PTPRT: variants seen among roughly 807,000 people sequenced by gnomAD.
The protein encoded by PTPRT is protein tyrosine phosphatase receptor type T.
Under a neutral mutation model 176.8 loss-of-function variants are expected in PTPRT, and 56 were observed. That is an observed-to-expected ratio of 0.32 (90% confidence interval 0.26 to 0.40). The LOEUF (loss-of-function observed/expected upper bound fraction) is 0.40, where lower values mean the gene tolerates loss of function less well. Among genes scored for constraint, PTPRT ranks in the 10% least tolerant of loss-of-function variants. PTPRT has a pLI of 1.00. For synonymous variants in PTPRT, 783 were observed against 739.0 expected, an observed-to-expected ratio of 1.06 and a Z score of -0.96; for missense variants, 1,540 against 1,908.2, an observed-to-expected ratio of 0.81 and a Z score of 3.60.
intron 1 of PTPRT, among the ~76,000 whole-genome samples, chr20:42,898,427 C>G (rs1268874551): frequency 6.6e-6 from 1 of 152,142 alleles, no homozygotes; most frequent in Non-Finnish European, 1.5e-5. Flanking sequence ...AGGCTGGTCT[C>G]AAACTGCTGG....
At chr20:42,630,404 A>G (rs1217398593) in intron 7 of PTPRT, among the ~76,000 whole-genome samples, 1 of 152,140 alleles carries the variant, frequency 6.6e-6, no homozygotes, top group Admixed American at 6.5e-5. Context: ...TATAGCAGCA[A>G]TGATAAACTA....
At chr20:42,049,966 T>C in the PTPRT span, among the ~76,000 whole-genome samples, 3 of 152,186 alleles carry the variant, frequency 2.0e-5, no homozygotes, top group Admixed American at 1.3e-4. Context: ...TTCAGCCTCA[T>C]TCATTACAGC....
At chr20:42,494,842 TC>T (rs2071625341) in intron 7 of PTPRT, among the ~76,000 whole-genome samples, 1 of 152,088 alleles carries the variant, frequency 6.6e-6, no homozygotes, top group Non-Finnish European at 1.5e-5. Context: ...GTTTCCTCTA[TC>T]CCCAATCTTC....
chr20:42,501,763 C>T (rs1472396610), intron 7 of PTPRT, among the ~76,000 whole-genome samples: 1 of 152,092 alleles, frequency 6.6e-6, no homozygotes, highest in Non-Finnish European at 1.5e-5. Flanking sequence ...AGTGGTTATA[C>T]CAATTTATAC....
At chr20:43,002,396 C>T (rs186382875) in intron 1 of PTPRT, among the ~76,000 whole-genome samples, 8 of 152,162 alleles carry the variant, frequency 5.3e-5, no homozygotes, top group African/African-American at 9.6e-5. Context: ...TTATTAAAAT[C>T]GATATAAAAG....
intron 13 of PTPRT, among the ~76,000 whole-genome samples, chr20:42,271,141 G>T (rs1461842739): frequency 6.6e-6 from 1 of 152,070 alleles, no homozygotes; most frequent in Non-Finnish European, 1.5e-5. Flanking sequence ...TCAGCTCACA[G>T]GCCCTCCATG....
intron 2 of PTPRT, among the ~76,000 whole-genome samples, chr20:42,874,366 A>C (rs1367801336): frequency 6.6e-6 from 1 of 152,180 alleles, no homozygotes; most frequent in African/African-American, 2.4e-5. Flanking sequence ...ACAATTCAAC[A>C]AACTGACAGG....
At chr20:43,015,580 C>T (rs1159060052) in intron 1 of PTPRT, among the ~76,000 whole-genome samples, 1 of 152,298 alleles carries the variant, frequency 6.6e-6, no homozygotes, top group Non-Finnish European at 1.5e-5. Context: ...AACATACACA[C>T]ACATGTGCCC....
intron 7 of PTPRT, among the ~76,000 whole-genome samples, chr20:42,585,122 T>A (rs2073449240): frequency 6.6e-6 from 1 of 152,198 alleles, no homozygotes; most frequent in African/African-American, 2.4e-5. Flanking sequence ...ACTTTCTTGA[T>A]CCTGTGTGAA....
intron 21 of PTPRT, among the ~76,000 whole-genome samples, chr20:42,116,257 T>G (rs746329176): frequency 1.3e-5 from 2 of 152,198 alleles, no homozygotes; most frequent in African/African-American, 4.8e-5. Context: ...GTGTTTTGTG[T>G]TTTGCGACTC....
Position 42,078,881 on chromosome 20 carries a change from T to C in PTPRT, c.*1998A>G, listed in dbSNP as rs1983037855. Reference sequence around the variant, plus strand: ...AGGAAGCCCGAGGCCGAAGAGACTTTCTTGCTCCTAGGCTCATGGAACACT... The same window carrying C: ...AGGAAGCCCGAGGCCGAAGAGACTTCCTTGCTCCTAGGCTCATGGAACACT... On this transcript the variant is annotated 3_prime_UTR_variant, in exon 31 of 31. Coordinates refer to ENST00000373187, the MANE Select transcript of PTPRT (RefSeq NM_007050.6). 5.7e-6 allele frequency: 1 copy of C among 175,234 alleles called. No homozygotes were observed. The highest frequency in any genetic ancestry group is 1.2e-5 in the Non-Finnish European group (1 of 81,302). The allele number at this position is 175,234 out of a possible 1,614,324, so 10.9% of individuals were successfully genotyped here.
chr20:43,075,066 C>G (rs1356734014), intron 1 of PTPRT, among the ~76,000 whole-genome samples: 1 of 152,234 alleles, frequency 6.6e-6, no homozygotes, highest in Non-Finnish European at 1.5e-5. Context: ...CATAAACATC[C>G]AGCCCTTCAT....
intron 24 of PTPRT, among the ~76,000 whole-genome samples, chr20:42,106,054 C>T (rs2146262433): frequency 6.6e-6 from 1 of 152,290 alleles, no homozygotes; most frequent in East Asian, 1.9e-4. Context: ...CGAAGTTCTA[C>T]CACAGTCTGG....
At chr20:42,828,131 A>G (rs574165381) in intron 2 of PTPRT, among the ~76,000 whole-genome samples, 5 of 152,350 alleles carry the variant, frequency 3.3e-5, no homozygotes, top group South Asian at 2.1e-4. Flanking sequence ...TTGTTGAATT[A>G]CTTTGACCAG....
intron 22 of PTPRT, among the ~76,000 whole-genome samples, chr20:42,114,753 C>A (rs1481592314): frequency 6.6e-6 from 1 of 152,160 alleles, no homozygotes; most frequent in African/African-American, 2.4e-5. Flanking sequence ...CGGTTGAGAC[C>A]ACATGCCTTG....
intron 7 of PTPRT, among the ~76,000 whole-genome samples, chr20:42,633,574 T>C (rs2145898086): frequency 6.6e-6 from 1 of 151,332 alleles, no homozygotes; most frequent in African/African-American, 2.4e-5. Flanking sequence ...GGCAGGAAGA[T>C]CACTTGAGGC....
intron 7 of PTPRT, among the ~76,000 whole-genome samples, chr20:42,504,324 T>A (rs1375589314): frequency 1.3e-5 from 2 of 152,036 alleles, no homozygotes; most frequent in African/African-American, 4.8e-5. Flanking sequence ...AATGAATGAA[T>A]AAATGAATGT....
intron 11 of PTPRT, among the ~76,000 whole-genome samples, chr20:42,347,234 C>G (rs1264023744): frequency 2.0e-5 from 3 of 152,164 alleles, no homozygotes; most frequent in South Asian, 2.1e-4. Context: ...ATTCAGAAAA[C>G]TAATTCAGAA....
chr20:42,904,576 G>A (rs149627081), intron 1 of PTPRT, among the ~76,000 whole-genome samples: 89 of 152,248 alleles, frequency 5.8e-4, no homozygotes, highest in Middle Eastern at 3.4e-3. Context: ...GTCTTGATAC[G>A]GGAAGGGGGC....
Sources: allele counts gnomAD v4.1 joint callset (sites outside exome capture counted in the v4.1 genomes callset), GRCh38; gene constraint gnomAD v4.1.1; transcripts MANE v1.5; gene names NCBI Gene and HGNC (gene_info 2026-07-23, HGNC 2026-07-21).